CAMK2D: variants seen among roughly 807,000 people sequenced by gnomAD.
CAMK2D encodes the protein calcium/calmodulin dependent protein kinase II delta, also known as calcium/calmodulin-dependent protein kinase type II subunit delta.
Under a neutral mutation model 84.0 loss-of-function variants are expected in CAMK2D, and 37 were observed. The observed-to-expected ratio is 0.44, with a 90% CI of 0.34 to 0.58. The LOEUF is 0.58. Among genes scored for constraint, CAMK2D ranks in the 20% least tolerant of loss-of-function variants. The pLI, the probability that CAMK2D is intolerant of heterozygous loss-of-function variation, is 0.02. For missense variants in CAMK2D, 448 were observed against 652.5 expected, an observed-to-expected ratio of 0.69 and a Z score of 3.41; for synonymous variants, 202 against 212.5, an observed-to-expected ratio of 0.95 and a Z score of 0.43.
At chr4:113,494,867 A>C (rs1414995685) in intron 16 of CAMK2D, among the ~76,000 whole-genome samples, 1 of 152,202 alleles carries the variant, frequency 6.6e-6, no homozygotes, top group Non-Finnish European at 1.5e-5. Flanking sequence ...AGCCCGTCGG[A>C]AAAGCGCAGT....
At chr4:113,751,248 T>A (rs1679232766) in intron 2 of CAMK2D, among the ~76,000 whole-genome samples, 1 of 152,130 alleles carries the variant, frequency 6.6e-6, no homozygotes, top group African/African-American at 2.4e-5. Flanking sequence ...TCAGCAGAAA[T>A]TCAAATTATC....
chr4:113,761,615 G>A lies in CAMK2D; in HGVS notation c.-547C>T. 1 of 985,126 alleles carries A rather than the reference G, an allele frequency of 1.0e-6. No individual in the cohort carries two copies. Among genetic ancestry groups the A allele is most frequent in the Non-Finnish European group, 1.2e-6 (1 of 829,830 alleles). 61.0% of individuals were successfully genotyped at this position (985,126 alleles called of 1,614,324 possible). On this transcript the variant is annotated 5_prime_UTR_variant, in exon 1 of 21. Coordinates refer to ENST00000511664, the MANE Select transcript of CAMK2D (RefSeq NM_001321571.2). ...GCGGGGCGCGCCGGGGCTCCGACGA[G>A]CGTGCGCGCCCGAGGCCGGCTTCCC...
At chr4:113,656,216 T>C (rs2099199458) in intron 3 of CAMK2D, among the ~76,000 whole-genome samples, 1 of 152,160 alleles carries the variant, frequency 6.6e-6, no homozygotes, top group African/African-American at 2.4e-5. Context: ...GCTATAATCT[T>C]TCCAGTTTGA....
intron 12 of CAMK2D, among the ~76,000 whole-genome samples, chr4:113,510,244 G>A (rs1333518820): frequency 6.6e-6 from 1 of 152,128 alleles, no homozygotes; most frequent in Non-Finnish European, 1.5e-5. Context: ...TATTGGCTTA[G>A]AGCAAATTTT....
At chr4:113,723,447 C>T (rs974915953) in intron 2 of CAMK2D, among the ~76,000 whole-genome samples, 1 of 152,088 alleles carries the variant, frequency 6.6e-6, no homozygotes, top group African/African-American at 2.4e-5. Context: ...TGGCCTCGAA[C>T]TCATGGCCTC....
At chr4:113,508,117 C>T in intron 13 of CAMK2D, 1 of 706,060 alleles carries the variant, frequency 1.4e-6, no homozygotes. Context: ...AGTTGACTAA[C>T]ACTGACCTGT....
chr4:113,567,011 T>A (rs1418101192), intron 4 of CAMK2D, among the ~76,000 whole-genome samples: 1 of 152,050 alleles, frequency 6.6e-6, no homozygotes, highest in African/African-American at 2.4e-5. Context: ...ATAGCAGGCA[T>A]GCAATAAACG....
At chr4:113,639,928 G>A (rs906656595) in intron 3 of CAMK2D, among the ~76,000 whole-genome samples, 3 of 152,132 alleles carry the variant, frequency 2.0e-5, no homozygotes, top group Non-Finnish European at 2.9e-5. Context: ...TCATAGCAAA[G>A]GGAAGAATTC....
intron 3 of CAMK2D, among the ~76,000 whole-genome samples, chr4:113,614,344 C>G (rs949666385): frequency 6.6e-6 from 1 of 152,100 alleles, no homozygotes; most frequent in Admixed American, 6.6e-5. Context: ...TTGGTGGACC[C>G]CAGTGGACTA....
intron 13 of CAMK2D, among the ~76,000 whole-genome samples, chr4:113,507,311 C>T (rs768746434): frequency 7.3e-5 from 11 of 151,410 alleles, no homozygotes; most frequent in Non-Finnish European, 1.3e-4. Flanking sequence ...AGTGCCATGG[C>T]GCGATCTCGG....
chr4:113,509,382 A>G (rs1233063343), intron 13 of CAMK2D, among the ~76,000 whole-genome samples: 2 of 152,200 alleles, frequency 1.3e-5, no homozygotes, highest in Admixed American at 6.5e-5. Context: ...AATTATTTCT[A>G]TAGGAACTCT....
chr4:113,721,807 G>C (rs909727865), intron 2 of CAMK2D, among the ~76,000 whole-genome samples: 2 of 152,126 alleles, frequency 1.3e-5, no homozygotes, highest in African/African-American at 4.8e-5. Context: ...GGCATTTTCT[G>C]GCCCTAAGAC....
At chr4:113,511,611 A>C (rs2098215944) in intron 12 of CAMK2D, among the ~76,000 whole-genome samples, 2 of 152,192 alleles carry the variant, frequency 1.3e-5, no homozygotes, top group Admixed American at 6.5e-5. Context: ...GGCCACAGTG[A>C]AATTTATTTG....
intron 16 of CAMK2D, among the ~76,000 whole-genome samples, chr4:113,493,396 T>C (rs1187276649): frequency 6.6e-6 from 1 of 151,276 alleles, no homozygotes; most frequent in African/African-American, 2.4e-5. Flanking sequence ...TCTCCTTCAC[T>C]TATGAAGCTT....
intron 16 of CAMK2D, among the ~76,000 whole-genome samples, chr4:113,490,081 A>G (rs926302549): frequency 6.6e-6 from 1 of 150,890 alleles, no homozygotes; most frequent in African/African-American, 2.4e-5. Context: ...ATTTTCTCCC[A>G]TTTTGTAGGT....
intron 2 of CAMK2D, among the ~76,000 whole-genome samples, chr4:113,747,764 C>T (rs1284886750): frequency 6.6e-6 from 1 of 152,080 alleles, no homozygotes; most frequent in Non-Finnish European, 1.5e-5. Context: ...CTGTTCATTT[C>T]AAGTAACTCA....
intron 4 of CAMK2D, among the ~76,000 whole-genome samples, chr4:113,602,950 T>C (rs2098959547): frequency 6.6e-6 from 1 of 152,184 alleles, no homozygotes; most frequent in Non-Finnish European, 1.5e-5. Flanking sequence ...GCCCTAGAAA[T>C]GAACTTGATC....
chr4:113,620,795 C>T (rs2099042656), intron 3 of CAMK2D, among the ~76,000 whole-genome samples: 1 of 152,124 alleles, frequency 6.6e-6, no homozygotes, highest in South Asian at 2.1e-4. Flanking sequence ...CGTAAGCCAC[C>T]ACACACTTCT....
chr4:113,636,713 TCTTATAAAAA>T (rs1230621764), intron 3 of CAMK2D, among the ~76,000 whole-genome samples: 2 of 152,084 alleles, frequency 1.3e-5, no homozygotes, highest in Non-Finnish European at 2.9e-5. Context: ...CACTTCCTCT[TCTTATAAAAA>T]CACTCACGCT....
Sources: gnomAD v4.1 joint callset for allele counts (sites outside exome capture counted in the v4.1 genomes callset) on GRCh38, gnomAD v4.1.1 for gene constraint, MANE v1.5 for transcripts, NCBI Gene and HGNC (gene_info 2026-07-23, HGNC 2026-07-21) for gene names.